ASTN1: variants seen among roughly 807,000 people sequenced by gnomAD.
The protein encoded by ASTN1 is astrotactin-1.
A neutral mutation model predicts 140.7 loss-of-function variants in ASTN1; 41 were observed. The observed-to-expected ratio is 0.29, with a 90% CI of 0.23 to 0.38. The LOEUF is 0.38. ASTN1 is among the 10% of genes least tolerant of loss of function. ASTN1 has a pLI of 1.00. For missense variants in ASTN1, 1,479 were observed against 1,678.8 expected (o/e 0.88, Z 2.08); for synonymous variants, 640 against 652.2 (o/e 0.98, Z 0.29).
At chr1:176,907,628 T>TA (rs1670056927) in intron 16 of ASTN1, among the ~76,000 whole-genome samples, 1 of 152,076 alleles carries the variant, frequency 6.6e-6, no homozygotes, top group Non-Finnish European at 1.5e-5. Flanking sequence ...TAGATCTACA[T>TA]AATCATGCAA....
rs770590075 is a variant in ASTN1 at position 176,958,298 on chromosome 1, C to T, written c.1736+47G>A. The T allele has an allele frequency of 1.1e-5, 17 of 1,610,930 alleles. No individual in the cohort carries two copies. In the South Asian group the frequency reaches 1.2e-4, roughly 12 times the overall value. On this transcript the variant is annotated intron_variant, in intron 10 of 22. Coordinates refer to ENST00000361833, the MANE Select transcript of ASTN1 (RefSeq NM_004319.3). The stretch of plus-strand genomic sequence containing the variant: ...TAAAACCTACAGGTAGTTTCTCATT[C>T]TGCTTCCCAAGCCAATTGCAGGCCT...
intron 8 of ASTN1, among the ~76,000 whole-genome samples, chr1:176,967,164 C>T (rs1340856368): frequency 6.6e-6 from 1 of 152,016 alleles, no homozygotes; most frequent in Non-Finnish European, 1.5e-5. Context: ...TTGGAAATAC[C>T]TAGAGGCAAG....
At chr1:176,983,832 G>A (rs1027217280) in intron 8 of ASTN1, among the ~76,000 whole-genome samples, 3 of 152,130 alleles carry the variant, frequency 2.0e-5, no homozygotes, top group African/African-American at 7.2e-5. Context: ...CCTTGGACTT[G>A]GGCACAGTGG....
intron 1 of ASTN1, among the ~76,000 whole-genome samples, chr1:177,107,342 T>A (rs1680599792): frequency 6.6e-6 from 1 of 152,042 alleles, no homozygotes; most frequent in South Asian, 2.1e-4. Context: ...TATAATAACA[T>A]AAAACCCAAA....
chr1:176,978,640 G>A (rs2101876315), intron 8 of ASTN1, among the ~76,000 whole-genome samples: 1 of 152,258 alleles, frequency 6.6e-6, no homozygotes, highest in African/African-American at 2.4e-5. Flanking sequence ...GGTAAGGGGA[G>A]GGTCTAGTGG....
intron 14 of ASTN1, 78 bp from the exon 15 acceptor site, chr1:176,936,448 T>G: frequency 9.2e-7 from 1 of 1,087,944 alleles, no homozygotes; most frequent in Non-Finnish European, 1.4e-6. Context: ...CCCACCTCTA[T>G]GAGGCGAAGT....
At chr1:177,112,998 A>G (rs1680895637) in intron 1 of ASTN1, among the ~76,000 whole-genome samples, 1 of 152,174 alleles carries the variant, frequency 6.6e-6, no homozygotes, top group African/African-American at 2.4e-5. Context: ...ATTCTTTCCC[A>G]ACGCTGAACA....
chr1:176,865,935 A>G (rs1668115025), intron 22 of ASTN1, among the ~76,000 whole-genome samples: 1 of 152,176 alleles, frequency 6.6e-6, no homozygotes, highest in African/African-American at 2.4e-5. Flanking sequence ...ATTCACTATC[A>G]CAAGGATAGC....
At chr1:176,990,515 G>A (rs1674108956) in intron 8 of ASTN1, among the ~76,000 whole-genome samples, 1 of 151,840 alleles carries the variant, frequency 6.6e-6, no homozygotes, top group African/African-American at 2.4e-5. Context: ...ACGAGTGTGA[G>A]GCAGTGGGGG....
At chr1:176,958,736 A>G (rs1290414407) in intron 9 of ASTN1, among the ~76,000 whole-genome samples, 1 of 152,200 alleles carries the variant, frequency 6.6e-6, no homozygotes, top group African/African-American at 2.4e-5. Context: ...ATCAAGTCAT[A>G]AAAAGCAAGT....
At position 177,043,863 on chromosome 1, in the gene ASTN1, TG is replaced by T. The variant is rs1428889716; in HGVS notation, c.472-11015del. ...CATACAGGGGAAGGAGGAGAAACCC[TG>T]GCAGTCAAAAAAGTCTTCTTTGGGG... On this transcript the variant is annotated intron_variant, in intron 2 of 22. Coordinates refer to ENST00000361833, the MANE Select transcript of ASTN1 (RefSeq NM_004319.3). Among the ~76,000 whole-genome samples the T allele has an allele frequency of 2.0e-5, 3 of 152,282 alleles. No homozygotes were observed. In the East Asian group the frequency reaches 5.8e-4, roughly 29 times the overall value.
chr1:176,910,800 A>ATGAT (rs1571496711), intron 16 of ASTN1, among the ~76,000 whole-genome samples: 1 of 152,212 alleles, frequency 6.6e-6, no homozygotes, highest in East Asian at 1.9e-4. Flanking sequence ...GTGAGAGAGC[A>ATGAT]TGAACACCTG....
intron 9 of ASTN1, among the ~76,000 whole-genome samples, chr1:176,961,401 G>T (rs1672654399): frequency 6.6e-6 from 1 of 152,186 alleles, no homozygotes; most frequent in Admixed American, 6.5e-5. Context: ...AAACCCTGTA[G>T]GGGAAGCAAA....
intron 16 of ASTN1, among the ~76,000 whole-genome samples, chr1:176,909,120 G>C (rs1360263620): frequency 2.0e-5 from 3 of 152,210 alleles, no homozygotes; most frequent in African/African-American, 7.2e-5. Flanking sequence ...CCAGGTCTCT[G>C]ACAGCATCGA....
intron 5 of ASTN1, 83 bp downstream of exon 5, chr1:177,029,551 C>T (rs1285177296): frequency 4.2e-6 from 6 of 1,419,714 alleles, no homozygotes; most frequent in Non-Finnish European, 4.9e-6. Context: ...GAGCCCACAA[C>T]CCAACCCAAC....
At chr1:177,056,054 A>C (rs1677786677) in intron 2 of ASTN1, among the ~76,000 whole-genome samples, 1 of 152,168 alleles carries the variant, frequency 6.6e-6, no homozygotes. Context: ...AAGCAAACTC[A>C]CATGCGATGC....
intron 8 of ASTN1, among the ~76,000 whole-genome samples, chr1:176,985,849 C>T (rs1334880108): frequency 2.2e-4 from 16 of 73,884 alleles, no homozygotes; most frequent in Non-Finnish European, 3.3e-4. Flanking sequence ...TCTCTCTACA[C>T]ACACACACAC....
chr1:177,082,407 G>C (rs1679223838), intron 1 of ASTN1, among the ~76,000 whole-genome samples: 2 of 152,148 alleles, frequency 1.3e-5, no homozygotes, highest in South Asian at 4.2e-4. Flanking sequence ...CTTTTATTTG[G>C]CTCCAGTTTT....
At position 176,888,061 on chromosome 1, in the gene ASTN1, A is replaced by C. The variant is rs1246456028; in HGVS notation, c.3074+10T>G. 1 of 1,614,034 alleles carries C rather than the reference A, an allele frequency of 6.2e-7. No individual in the cohort carries two copies. The highest frequency in any genetic ancestry group is 8.5e-7 in the Non-Finnish European group (1 of 1,179,986). On this transcript the variant is annotated intron_variant, in intron 18 of 22. Transcript: ENST00000361833. ...CAGAGTAATGCTGAAAGAGAGAAAG[A>C]GAACCATACACAGGCTGTGGGAGAG...
Sources: gnomAD v4.1 joint callset for allele counts (sites outside exome capture counted in the v4.1 genomes callset) on GRCh38, gnomAD v4.1.1 for gene constraint, MANE v1.5 for transcripts, NCBI Gene and HGNC (gene_info 2026-07-23, HGNC 2026-07-21) for gene names.